Variants in PDE12 observed in about 807,000 individuals in gnomAD.
PDE12 encodes the protein 2',5'-phosphodiesterase 12.
A neutral mutation model predicts 45.4 loss-of-function variants in PDE12; 26 were observed. That is an observed-to-expected ratio of 0.57 (90% CI 0.42 to 0.79). PDE12 has a LOEUF of 0.79. PDE12 is among the 30% of genes least tolerant of loss of function. PDE12 has a pLI of 0.00. For synonymous variants in PDE12, 283 were observed against 323.9 expected (o/e 0.87, Z 1.36); for missense variants, 668 against 790.0 (o/e 0.85, Z 1.85).
downstream of PDE12, among the ~76,000 whole-genome samples, chr3:57,570,119 G>A (rs1407793592): frequency 6.6e-6 from 1 of 151,876 alleles, no homozygotes; most frequent in Non-Finnish European, 1.5e-5. Context: ...TCATCCAGTT[G>A]GCTAGGGAAA....
chr3:57,580,025 C>A, the PDE12 span, among the ~76,000 whole-genome samples: 1 of 152,138 alleles, frequency 6.6e-6, no homozygotes, highest in Non-Finnish European at 1.5e-5. Flanking sequence ...CACATGAGCC[C>A]AGGAGGTTGA....
the PDE12 span, among the ~76,000 whole-genome samples, chr3:57,612,548 G>A: frequency 1.3e-5 from 2 of 151,918 alleles, no homozygotes; most frequent in East Asian, 1.9e-4. Flanking sequence ...CGAGGCGGGC[G>A]GATCACAAAG....
Position 57,564,764 on chromosome 3 carries a change from T to C in PDE12, c.*4760T>C, listed in dbSNP as rs1295907236. ...TACTGCAACCTCCACCTCCTGGGCT[T>C]ATGCAATCCTCCCACCACAGCCTCC... On this transcript the variant is annotated 3_prime_UTR_variant, in exon 3 of 3. Coordinates refer to ENST00000311180, the MANE Select transcript of PDE12 (RefSeq NM_177966.7). 6.6e-6 allele frequency: 1 copy of C among 151,654 alleles called. No individual in the cohort carries two copies. Among genetic ancestry groups the C allele is most frequent in the African/African-American group, 2.4e-5 (1 of 41,202 alleles). 9.4% of individuals were successfully genotyped at this position (151,654 alleles called of 1,614,324 possible). A position where few individuals can be genotyped will look rare whatever the true frequency, so the allele number is the denominator to read the frequency against.
chr3:57,648,798 A>G, the PDE12 span, among the ~76,000 whole-genome samples: 39 of 152,356 alleles, frequency 2.6e-4, 1 homozygote, highest in South Asian at 8.1e-3. Flanking sequence ...TGGTGCTGAG[A>G]TAATTGGCAA....
the PDE12 span, among the ~76,000 whole-genome samples, chr3:57,624,958 G>C: frequency 1.3e-5 from 2 of 152,060 alleles, no homozygotes; most frequent in Non-Finnish European, 2.9e-5. Context: ...GGAGTGCAGT[G>C]GTGTGATTAT....
chr3:57,642,595 C>T, the PDE12 span, among the ~76,000 whole-genome samples: 1 of 151,990 alleles, frequency 6.6e-6, no homozygotes, highest in Non-Finnish European at 1.5e-5. Context: ...ATATTGTTGC[C>T]CGATCATTAG....
chr3:57,642,420 G>A, the PDE12 span, among the ~76,000 whole-genome samples: 1 of 151,946 alleles, frequency 6.6e-6, no homozygotes, highest in African/African-American at 2.4e-5. Context: ...AGGAAGACGT[G>A]AAAGATGAGT....
At chr3:57,630,380 C>G in the PDE12 span, 5 of 1,494,874 alleles carry the variant, frequency 3.3e-6, no homozygotes, top group Non-Finnish European at 4.5e-6. Context: ...TCTTTATTTT[C>G]AACAGTTGTT....
At chr3:57,571,806 CA>C (rs2153408187), downstream of PDE12, 1 of 168,400 alleles carries the variant, frequency 5.9e-6, no homozygotes, top group East Asian at 1.7e-4. Flanking sequence ...GAAATAAATA[CA>C]AATGGAATGC....
the PDE12 span, among the ~76,000 whole-genome samples, chr3:57,654,196 C>G: frequency 6.6e-6 from 1 of 151,698 alleles, no homozygotes; most frequent in Non-Finnish European, 1.5e-5. Context: ...ACCTCGTGAT[C>G]CACCTGCCTT....
the PDE12 span, among the ~76,000 whole-genome samples, chr3:57,647,983 G>A: frequency 1.4e-4 from 22 of 151,956 alleles, no homozygotes; most frequent in African/African-American, 4.4e-4. Flanking sequence ...ATTAGCTTGG[G>A]GGACAAAGTT....
rs1298072679 is a variant in PDE12 at position 57,556,390 on chromosome 3, T to G, written c.11T>G (p.Leu4Arg). The G allele has an allele frequency of 1.3e-6, 2 of 1,579,730 alleles. No homozygotes were observed. The highest frequency in any genetic ancestry group is 1.7e-6 in the Non-Finnish European group (2 of 1,163,440). MWR[L>R]PGARAALRVI... is the part of the protein sequence containing the mutation. ...TAGGCCACCAGGTTCATGTGGAGGC[T>G]CCCAGGCGCCCGCGCCGCGCTTCGG... The change falls in exon 1 of 3, where the codon CTC becomes CGC. Residue 4 changes from leucine to arginine, a missense_variant. Leu to Arg is a moderately radical substitution (Grantham distance 102, BLOSUM62 -2). Coordinates refer to ENST00000311180, the MANE Select transcript of PDE12 (RefSeq NM_177966.7). This position sits in a 1 kb window ranked among gnomAD's most constrained non-coding sequence, Gnocchi z 5.0.
the PDE12 span, among the ~76,000 whole-genome samples, chr3:57,580,504 T>C: frequency 3.3e-5 from 5 of 152,082 alleles, no homozygotes; most frequent in Admixed American, 3.3e-4. Flanking sequence ...TGTGCTCAGG[T>C]GATCCTCCCA....
the PDE12 span, among the ~76,000 whole-genome samples, chr3:57,594,104 A>G: frequency 6.6e-6 from 1 of 151,976 alleles, no homozygotes; most frequent in Non-Finnish European, 1.5e-5. Flanking sequence ...AAAAATACAA[A>G]CATTAGCTGG....
In PDE12 at chr3:57,559,558, A is replaced by C. The variant is rs1467757709; in HGVS notation, c.1388-4A>C. ...ACTTACATTAATGTTTTTTATATTC[A>C]TAGGTGGGTATATTCGCCTCATTCA... On this transcript the variant is annotated splice_polypyrimidine_tract_variant and splice_region_variant and intron_variant, in intron 2 of 2. Transcript: ENST00000311180. 2 of 1,594,202 alleles carry C rather than the reference A, an allele frequency of 1.3e-6. No individual in the cohort carries two copies. Among genetic ancestry groups the C allele is most frequent in the African/African-American group, 2.7e-5 (2 of 73,894 alleles).
chr3:57,610,972 A>C, the PDE12 span, among the ~76,000 whole-genome samples: 1 of 152,074 alleles, frequency 6.6e-6, no homozygotes, highest in African/African-American at 2.4e-5. Context: ...ATCACGCTAC[A>C]TGACTTCAAA....
the PDE12 span, chr3:57,596,930 C>T: frequency 3.8e-6 from 3 of 793,594 alleles, no homozygotes; most frequent in South Asian, 5.1e-5. Flanking sequence ...TCCATTGTTC[C>T]CCCTTAAGAA....
At chr3:57,646,502 C>T in the PDE12 span, 2 of 1,517,892 alleles carry the variant, frequency 1.3e-6, no homozygotes, top group African/African-American at 1.4e-5. Context: ...AAAATTCCTA[C>T]ATAATCTTTC....
the PDE12 span, among the ~76,000 whole-genome samples, chr3:57,632,650 T>A: frequency 6.6e-6 from 1 of 152,360 alleles, no homozygotes. Flanking sequence ...TTTATATTAA[T>A]AACTGCAAAA....
Sources: gnomAD v4.1 joint callset for allele counts (sites outside exome capture counted in the v4.1 genomes callset) on GRCh38, gnomAD v4.1.1 for gene constraint, Gnocchi (gnomAD v3.1) non-coding constraint, MANE v1.5 for transcripts, NCBI Gene and HGNC (gene_info 2026-07-23, HGNC 2026-07-21) for gene names.